The following MCM8 variants were observed in gnomAD, a reference collection of about 807,000 sequenced individuals.
The protein encoded by MCM8 is minichromosome maintenance 8 homologous recombination repair factor.
A neutral mutation model predicts 98.9 loss-of-function variants in MCM8; 85 were observed. The ratio of observed to expected loss-of-function variants is 0.86; its 90% CI spans 0.72 to 1.03. MCM8 has a LOEUF of 1.03. Ranked by LOEUF, MCM8 falls within the 50% of genes least tolerant of loss-of-function variation. MCM8 has a pLI of 0.00. For synonymous variants in MCM8, 352 were observed against 338.6 expected (o/e 1.04, Z -0.44); for missense variants, 951 against 997.8 (o/e 0.95, Z 0.63).
chr20:5,958,764 T>C, intron 7 of MCM8, 38 bp downstream of exon 7: 1 of 1,570,618 alleles, frequency 6.4e-7, no homozygotes. Context: ...TTTATCTTGG[T>C]AAAGAAGGCA....
rs761367764 is a variant in MCM8 at position 5,952,051 on chromosome 20, AG to A, written c.38del (p.Gly13GlufsTer28). The A allele has an allele frequency of 1.4e-5, 22 of 1,613,986 alleles. No homozygotes were observed. The Admixed American group carries it at 3.2e-4, about 23-fold the overall frequency. On this transcript the variant is annotated frameshift_variant, in exon 2 of 19. Transcript: ENST00000610722. LOFTEE classifies it high-confidence loss of function. ...GEYRGRGFGR[G>X]RFQSWKRGRG... ...AGTATAGAGGCAGAGGATTTGGACG[AG>A]GAAGATTTCAAAGCTGGAAAAGGGG...
chr20:5,954,313 C>G (rs1293804884), intron 3 of MCM8, among the ~76,000 whole-genome samples: 1 of 152,078 alleles, frequency 6.6e-6, no homozygotes, highest in Non-Finnish European at 1.5e-5. Flanking sequence ...AGCTTATTGT[C>G]TAAATTATCT....
At chr20:5,978,948 C>G (rs940901765) in intron 13 of MCM8, among the ~76,000 whole-genome samples, 2 of 152,180 alleles carry the variant, frequency 1.3e-5, no homozygotes, top group Admixed American at 1.3e-4. Flanking sequence ...GTAAGAAGTC[C>G]AGGCATAGGG....
chr20:5,967,893 A>T lies in MCM8; in HGVS notation c.1091A>T (p.Asn364Ile). ...LLYIEANSIS[N>I]SKGQKTKSSE... ...TATATTGAAGCAAATTCTATTAGTA[A>T]TAGCAAAGGACAGAAAACAAAGAGT... is the stretch of plus-strand genomic sequence containing the variant. Residue 364 changes from asparagine (N) to isoleucine (I), a missense_variant, in exon 10 of 19, where the codon AAT becomes ATT. Transcript: ENST00000610722. 6.2e-7 allele frequency: 1 copy of T among 1,613,916 alleles called. No homozygotes were observed. The highest frequency in any genetic ancestry group is 8.5e-7 in the Non-Finnish European group (1 of 1,179,880).
At chr20:5,977,093 C>CATA (rs1264326187) in intron 12 of MCM8, among the ~76,000 whole-genome samples, 2 of 152,160 alleles carry the variant, frequency 1.3e-5, no homozygotes, top group African/African-American at 4.8e-5. Context: ...CTCAGAAAGA[C>CATA]TATATAAGTA....
At chr20:5,962,290 G>C (rs2089164114) in intron 7 of MCM8, among the ~76,000 whole-genome samples, 1 of 147,518 alleles carries the variant, frequency 6.8e-6, no homozygotes, top group Non-Finnish European at 1.5e-5. Flanking sequence ...GTCACATTCT[G>C]TTGGTAACAA....
rs2089973001 is a variant in MCM8 at position 5,997,390 on chromosome 20, G to A, written c.*2999G>A. 1 of 152,138 alleles carries A rather than the reference G, an allele frequency of 6.6e-6. No individual in the cohort carries two copies. The highest frequency in any genetic ancestry group is 2.1e-4 in the South Asian group (1 of 4,836). 9.4% of individuals were successfully genotyped at this position (152,138 alleles called of 1,614,324 possible). A position where few individuals can be genotyped will look rare whatever the true frequency, so the allele number is the denominator to read the frequency against. On this transcript the variant is annotated 3_prime_UTR_variant, in exon 19 of 19. Coordinates refer to ENST00000610722, the MANE Select transcript of MCM8 (RefSeq NM_032485.6). ...AGACGGGGTTTCTCCATGTTGGTGA[G>A]GCTGGTTTTTAACTCCCGAACTCAG...
intron 17 of MCM8, among the ~76,000 whole-genome samples, chr20:5,990,184 C>T (rs1053536871): frequency 6.6e-6 from 1 of 152,074 alleles, no homozygotes; most frequent in Admixed American, 6.6e-5. Flanking sequence ...AAGCGATTCT[C>T]CTGCCTCAGC....
At chr20:5,957,876 T>C (rs1050139959) in intron 6 of MCM8, among the ~76,000 whole-genome samples, 1 of 152,224 alleles carries the variant, frequency 6.6e-6, no homozygotes, top group Non-Finnish European at 1.5e-5. Flanking sequence ...AAGGTAATCA[T>C]CAGCATTTTG....
At chr20:5,955,026 C>A (rs1258646280) in intron 4 of MCM8, 76 bp from the exon 5 acceptor site, 5 of 1,012,622 alleles carry the variant, frequency 4.9e-6, no homozygotes, top group Non-Finnish European at 5.9e-6. Flanking sequence ...TTCTCAAAGT[C>A]TATAATAGAA....
intron 13 of MCM8, among the ~76,000 whole-genome samples, chr20:5,981,377 A>G (rs975850016): frequency 6.6e-6 from 1 of 151,730 alleles, no homozygotes; most frequent in Non-Finnish European, 1.5e-5. Context: ...TCCACATTGA[A>G]CAGCAGGAAC....
intron 17 of MCM8, among the ~76,000 whole-genome samples, chr20:5,992,292 C>G (rs2122845309): frequency 6.6e-6 from 1 of 152,272 alleles, no homozygotes; most frequent in African/African-American, 2.4e-5. Context: ...AAAGTAGTTG[C>G]AGTTTTTGCC....
rs200761922 is a variant in MCM8, at chr20:5,993,592, C to T, written c.2327C>T (p.Ala776Val). The T allele has an allele frequency of 9.8e-5, 158 of 1,612,126 alleles. No homozygotes were observed. Among genetic ancestry groups the T allele is most frequent in the Middle Eastern group, 8.2e-4 (5 of 6,074 alleles). ...HGSGMSNRSTAKRFISALNNV... is the reference protein window; with the variant it reads ...HGSGMSNRSTVKRFISALNNV... The stretch of plus-strand genomic sequence containing the variant: ...TCTGGAATGAGCAACAGGTCAACAG[C>T]GAAAAGATTTATTTCTGCTCTCAAC... Residue 776 changes from alanine (A) to valine (V), a missense_variant, in exon 18 of 19, where the codon GCG (alanine) becomes GTG (valine). By Grantham distance (64) the Ala-to-Val change is moderately conservative. Coordinates refer to ENST00000610722, the MANE Select transcript of MCM8 (RefSeq NM_032485.6).
chr20:5,989,550 A>G (rs2089804138), intron 17 of MCM8, among the ~76,000 whole-genome samples: 1 of 152,178 alleles, frequency 6.6e-6, no homozygotes, highest in African/African-American at 2.4e-5. Context: ...CACCCTTTTC[A>G]AAGAATTTTT....
chr20:5,977,870 C>T lies in MCM8; in HGVS notation c.1396-6C>T, dbSNP rs765063127. 28 of 1,612,580 alleles carry T rather than the reference C, an allele frequency of 1.7e-5. No homozygotes were observed. In the South Asian group the frequency reaches 2.3e-4, roughly 13 times the overall value. ...GATGATTCTCTTAAACTTTTTGTTT[C>T]CTTAGGCAGCGTGCAATGTTGCCCC... On this transcript the variant is annotated splice_polypyrimidine_tract_variant and splice_region_variant and intron_variant, in intron 12 of 18. Transcript: ENST00000610722.
At chr20:5,960,750 A>C (rs2089121059) in intron 7 of MCM8, among the ~76,000 whole-genome samples, 1 of 152,120 alleles carries the variant, frequency 6.6e-6, no homozygotes, top group Non-Finnish European at 1.5e-5. Flanking sequence ...AGCCTGACCA[A>C]CAGGGAGAGA....
chr20:5,952,188 A>AT (rs772741677), intron 2 of MCM8, 25 bp downstream of exon 2: 11 of 1,608,098 alleles, frequency 6.8e-6, no homozygotes, highest in Middle Eastern at 1.7e-4. Context: ...TGATTGTTCA[A>AT]TTTTTTTCAC....
In MCM8 at chr20:5,964,027, G is replaced by T. The variant is rs60629374; in HGVS notation, c.875+668G>T. On this transcript the variant is annotated intron_variant, in intron 8 of 18. Transcript: ENST00000610722. ...GTGATAGAAATAATATTGTTTTGAA[G>T]TTTTCAAATAAAGACTCCCTTTGAA... Among the ~76,000 whole-genome samples the T allele has an allele frequency of 4.5e-3, 682 of 151,338 alleles. 6 individuals carry two copies. The highest frequency in any genetic ancestry group is 0.015 in the African/African-American group (616 of 41,272).
chr20:5,982,959 T>A lies in MCM8; in HGVS notation c.1538-11T>A, dbSNP rs1217865565. ...AAATGTTTTTTCTGCTTTATTCTAC[T>A]TCGATTGTAGGTATTTGTGGAATCG... On this transcript the variant is annotated splice_polypyrimidine_tract_variant and intron_variant, in intron 13 of 18. Coordinates refer to ENST00000610722, the MANE Select transcript of MCM8 (RefSeq NM_032485.6). 1 of 1,601,148 alleles carries A rather than the reference T, an allele frequency of 6.2e-7. No individual in the cohort carries two copies. The highest frequency in any genetic ancestry group is 8.5e-7 in the Non-Finnish European group (1 of 1,176,336).
Sources: gnomAD v4.1 joint callset for allele counts (sites outside exome capture counted in the v4.1 genomes callset) on GRCh38, gnomAD v4.1.1 for gene constraint, MANE v1.5 for transcripts, NCBI Gene and HGNC (gene_info 2026-07-23, HGNC 2026-07-21) for gene names.